The following CCSER1 variants were observed in gnomAD, a reference collection of about 807,000 sequenced individuals.
CCSER1 encodes coiled-coil serine rich protein 1.
In CCSER1, 41 loss-of-function variants were observed where a neutral mutation model predicts 82.0. The ratio of observed to expected loss-of-function variants is 0.50; its 90% CI spans 0.39 to 0.65. The LOEUF (loss-of-function observed/expected upper bound fraction) is 0.65, where lower values mean the gene tolerates loss of function less well. CCSER1 is among the 30% of genes least tolerant of loss of function. The probability of loss-of-function intolerance (pLI) is 0.00; values close to 1 mark genes in which losing one functional copy is unlikely to be tolerated. For missense variants in CCSER1, 1,119 were observed against 1,064.2 expected (o/e 1.05, Z -0.72); for synonymous variants, 414 against 383.9 (o/e 1.08, Z -0.92).
At chr4:90,578,038 G>A (rs1579267691) in intron 5 of CCSER1, among the ~76,000 whole-genome samples, 2 of 152,062 alleles carry the variant, frequency 1.3e-5, no homozygotes, top group South Asian at 2.1e-4. Context: ...TATGTCAAAC[G>A]TGGGTTAGAC....
chr4:90,274,661 TATTACA>T (rs1321918784), intron 1 of CCSER1, among the ~76,000 whole-genome samples: 2 of 152,158 alleles, frequency 1.3e-5, no homozygotes, highest in African/African-American at 4.8e-5. Flanking sequence ...TACCTTACTT[TATTACA>T]ATTACAAAGT....
intron 10 of CCSER1, among the ~76,000 whole-genome samples, chr4:91,587,925 GAATT>G (rs1462209990): frequency 8.6e-5 from 13 of 151,370 alleles, no homozygotes; most frequent in South Asian, 6.2e-4. Flanking sequence ...CTTGAATCTT[GAATT>G]AATATTATAT....
At chr4:91,446,672 AATAAAT>A (rs1323078857) in intron 10 of CCSER1, among the ~76,000 whole-genome samples, 3 of 72,544 alleles carry the variant, frequency 4.1e-5, no homozygotes, top group African/African-American at 3.0e-4. Flanking sequence ...ATTTTAAATA[AATAAAT>A]ATATATATAT....
In CCSER1 at chr4:91,598,866, G is replaced by A; in HGVS notation, c.2512G>A (p.Gly838Arg). ...SSLKPTAKTE[G>R]LSTFLEKPKD... is the part of the protein sequence containing the mutation. ...TCTGAAGCCAACAGCTAAGACAGAAGGGCTCTCCACGTTCTTAGAGAAACC... is the reference window on the plus strand; with the variant it reads ...TCTGAAGCCAACAGCTAAGACAGAAAGGCTCTCCACGTTCTTAGAGAAACC... Residue 838 changes from glycine (G) to arginine (R), a missense_variant, in exon 11 of 11, where the codon GGG (glycine) becomes AGG (arginine). Gly to Arg is a moderately radical substitution (Grantham distance 125). Coordinates refer to ENST00000509176, the MANE Select transcript of CCSER1 (RefSeq NM_001145065.2). 1 of 1,551,620 alleles carries A rather than the reference G, an allele frequency of 6.4e-7. No homozygotes were observed. The highest frequency in any genetic ancestry group is 8.7e-7 in the Non-Finnish European group (1 of 1,146,918).
At chr4:90,580,224 C>G (rs1781276799) in intron 5 of CCSER1, among the ~76,000 whole-genome samples, 2 of 152,016 alleles carry the variant, frequency 1.3e-5, no homozygotes, top group South Asian at 4.1e-4. Context: ...GTGGAATTAA[C>G]AAATTATTTC....
intron 9 of CCSER1, among the ~76,000 whole-genome samples, chr4:90,998,372 G>A (rs1227882992): frequency 2.0e-5 from 3 of 152,004 alleles, no homozygotes; most frequent in Non-Finnish European, 2.9e-5. Flanking sequence ...GAGCCACTGC[G>A]CCCACCCTAA....
intron 5 of CCSER1, among the ~76,000 whole-genome samples, chr4:90,532,300 C>T (rs557397831): frequency 6.6e-6 from 1 of 152,242 alleles, no homozygotes; most frequent in South Asian, 2.1e-4. Flanking sequence ...ACATTTTAGT[C>T]TGCCTTTTAC....
chr4:90,211,830 T>C, intron 1 of CCSER1, among the ~76,000 whole-genome samples: 1 of 152,320 alleles, frequency 6.6e-6, no homozygotes, highest in African/African-American at 2.4e-5. Context: ...TGCTTTTTTT[T>C]CCTCTCAAAG....
chr4:91,441,423 C>A (rs188056973), intron 10 of CCSER1, among the ~76,000 whole-genome samples: 15 of 147,808 alleles, frequency 1.0e-4, no homozygotes, highest in African/African-American at 3.7e-4. Context: ...TTCAACAACC[C>A]TTCATGCTAA....
Position 90,328,133 on chromosome 4 carries a change from G to T in CCSER1, c.1509+15086G>T, listed in dbSNP as rs75098154. 7.9e-3 allele frequency among the ~76,000 whole-genome samples: 1,209 copies of T among 152,166 alleles called. 18 individuals carry two copies. Among genetic ancestry groups the T allele is most frequent in the African/African-American group, 0.025 (1,033 of 41,524 alleles). ...GTTATAAGTGGATTCCAAACACAAA[G>T]GCTGGGAATTTCTATTATATTGGAA... On this transcript the variant is annotated intron_variant, in intron 3 of 10. Coordinates refer to ENST00000509176, the MANE Select transcript of CCSER1 (RefSeq NM_001145065.2).
At chr4:91,329,758 C>T (rs1383181547) in intron 10 of CCSER1, among the ~76,000 whole-genome samples, 1 of 152,086 alleles carries the variant, frequency 6.6e-6, no homozygotes, top group African/African-American at 2.4e-5. Context: ...TGCCATGAAC[C>T]TCAACTTTAA....
intron 9 of CCSER1, among the ~76,000 whole-genome samples, chr4:91,037,538 C>T (rs1741554136): frequency 6.6e-6 from 1 of 151,966 alleles, no homozygotes; most frequent in Admixed American, 6.6e-5. Context: ...TGTTTTAGCA[C>T]TAATCTTTTC....
intron 1 of CCSER1, among the ~76,000 whole-genome samples, chr4:90,135,971 A>G (rs1042394180): frequency 3.3e-5 from 5 of 152,214 alleles, no homozygotes; most frequent in African/African-American, 1.2e-4. Context: ...GTACAAATAT[A>G]TGCACAATGT....
chr4:91,430,979 G>A (rs745729580), intron 10 of CCSER1, among the ~76,000 whole-genome samples: 4 of 152,202 alleles, frequency 2.6e-5, no homozygotes, highest in Middle Eastern at 3.2e-3. Context: ...GCTCACGCCT[G>A]TAATCCCAGC....
chr4:91,011,984 A>G (rs1000262408), intron 9 of CCSER1, among the ~76,000 whole-genome samples: 1 of 134,720 alleles, frequency 7.4e-6, no homozygotes, highest in African/African-American at 2.5e-5. Flanking sequence ...GAAGCTAAGT[A>G]CTAGAATTGT....
chr4:90,248,436 A>G (rs1721820877), intron 1 of CCSER1, among the ~76,000 whole-genome samples: 1 of 152,148 alleles, frequency 6.6e-6, no homozygotes, highest in Non-Finnish European at 1.5e-5. Context: ...CTGGTCCTGT[A>G]CTACAGACCC....
At chr4:91,171,406 G>A (rs569873095) in intron 10 of CCSER1, among the ~76,000 whole-genome samples, 1 of 152,188 alleles carries the variant, frequency 6.6e-6, no homozygotes, top group Non-Finnish European at 1.5e-5. Context: ...CTCTTGAGTA[G>A]TCTAGCTTCC....
intron 4 of CCSER1, among the ~76,000 whole-genome samples, chr4:90,442,741 T>C (rs779854121): frequency 1.3e-4 from 20 of 152,182 alleles, no homozygotes; most frequent in Non-Finnish European, 2.9e-4. Flanking sequence ...ATAAAATCAG[T>C]GTTTACCCAG....
At chr4:90,131,899 A>G (rs969281495) in intron 1 of CCSER1, among the ~76,000 whole-genome samples, 2 of 152,116 alleles carry the variant, frequency 1.3e-5, no homozygotes, top group African/African-American at 2.4e-5. Flanking sequence ...CTTAAAATGC[A>G]TTTCTTCATT....
Sources: gnomAD v4.1 joint callset for allele counts (sites outside exome capture counted in the v4.1 genomes callset) on GRCh38, gnomAD v4.1.1 for gene constraint, MANE v1.5 for transcripts, NCBI Gene and HGNC (gene_info 2026-07-23, HGNC 2026-07-21) for gene names.